Variants in FRMPD3 observed in about 807,000 individuals in gnomAD.
FRMPD3 encodes FERM and PDZ domain containing 3.
FRMPD3 carries 42 observed loss-of-function variants against 97.9 expected under a neutral mutation model. The ratio of observed to expected loss-of-function variants is 0.43; its 90% confidence interval spans 0.34 to 0.55. The LOEUF is 0.55. Ranked by LOEUF, FRMPD3 falls within the 20% of genes least tolerant of loss-of-function variation. The probability of loss-of-function intolerance (pLI) is 0.03; values close to 1 mark genes in which losing one functional copy is unlikely to be tolerated. For missense variants in FRMPD3, 1,303 were observed against 1,457.7 expected, an observed-to-expected ratio of 0.89 and a Z score of 1.73; for synonymous variants, 577 against 581.1, an observed-to-expected ratio of 0.99 and a Z score of 0.10.
chrX:107,506,189 G>C (rs1922023582), intron 1 of FRMPD3, among the ~76,000 whole-genome samples: 1 of 111,983 alleles, frequency 8.9e-6, no homozygotes. Flanking sequence ...ATAAATATGG[G>C]ATTAATGAAT....
intron 1 of FRMPD3, among the ~76,000 whole-genome samples, chrX:107,462,653 G>C (rs936195324): frequency 2.7e-5 from 3 of 111,946 alleles, no homozygotes; most frequent in Non-Finnish European, 5.6e-5. Context: ...TGCCATGCTA[G>C]ATTTTTACCC....
chrX:107,570,907 C>G (rs1312397283), intron 12 of FRMPD3, among the ~76,000 whole-genome samples: 1 of 112,087 alleles, frequency 8.9e-6, no homozygotes, highest in African/African-American at 3.2e-5. Flanking sequence ...CCTGCTGTAC[C>G]TTCTTCTGGC....
chrX:107,494,502 A>G (rs1229597131), intron 1 of FRMPD3, among the ~76,000 whole-genome samples: 1 of 111,808 alleles, frequency 8.9e-6, no homozygotes. Flanking sequence ...ACAATCCACA[A>G]TTGGCGTGTT....
chrX:107,588,936 T>C (rs146873947), intron 13 of FRMPD3, among the ~76,000 whole-genome samples: 1,751 of 111,722 alleles, frequency 0.016, 35 homozygotes, highest in Admixed American at 0.082. Flanking sequence ...TCAGGTCATT[T>C]ATGTTCCTGT....
intron 1 of FRMPD3, among the ~76,000 whole-genome samples, chrX:107,476,612 C>T (rs1223246601): frequency 8.9e-6 from 1 of 112,404 alleles, no homozygotes; most frequent in East Asian, 2.8e-4. Context: ...TGGACTAGCA[C>T]AGTGCCTGGC....
At chrX:107,560,592 C>T in intron 9 of FRMPD3, 135 bp from the exon 10 acceptor site, 1 of 895,587 alleles carries the variant, frequency 1.1e-6, no homozygotes, top group Non-Finnish European at 1.5e-6. Flanking sequence ...TTTTCCTATC[C>T]CTGTCCCTTT....
intron 1 of FRMPD3, among the ~76,000 whole-genome samples, chrX:107,493,501 A>G (rs1921709910): frequency 1.8e-5 from 2 of 111,933 alleles, no homozygotes; most frequent in Admixed American, 1.9e-4. Context: ...CCTGCTGTAG[A>G]ACATTAGAAA....
intron 13 of FRMPD3, among the ~76,000 whole-genome samples, chrX:107,587,486 G>A (rs1425947959): frequency 1.8e-5 from 2 of 111,453 alleles, no homozygotes; most frequent in East Asian, 5.6e-4. Context: ...ATTTGATCCT[G>A]TCATCATGAT....
chrX:107,501,734 C>T (rs1192169554), intron 1 of FRMPD3, among the ~76,000 whole-genome samples: 1 of 105,889 alleles, frequency 9.4e-6, no homozygotes, highest in Non-Finnish European at 1.9e-5. Flanking sequence ...GTTGGGGCCT[C>T]AAAGGGGCAG....
chrX:107,525,551 T>C, intron 1 of FRMPD3: 1 of 556,380 alleles, frequency 1.8e-6, no homozygotes. Flanking sequence ...CTCCCTGGAG[T>C]TAGGGCAGTA....
chrX:107,525,536 A>G (rs1922662198), intron 1 of FRMPD3: 1 of 550,496 alleles, frequency 1.8e-6, no homozygotes, highest in Non-Finnish European at 3.3e-6. Context: ...AACAATGTGT[A>G]ATCTCTCCCT....
intron 13 of FRMPD3, among the ~76,000 whole-genome samples, chrX:107,581,396 C>T (rs750238018): frequency 9.0e-6 from 1 of 110,574 alleles, no homozygotes; most frequent in Non-Finnish European, 1.9e-5. Flanking sequence ...CAGGCATGAG[C>T]CACCACGCCT....
In FRMPD3 at chrX:107,603,055, C is replaced by A. The variant is rs1171967604; in HGVS notation, c.5016C>A (p.Thr1672=). 8.3e-7 allele frequency: 1 copy of A among 1,210,925 alleles called. No homozygotes were observed. Among genetic ancestry groups the A allele is most frequent in the Non-Finnish European group, 1.1e-6 (1 of 895,467 alleles). Residue 1672 remains threonine (T), a synonymous_variant, in exon 15 of 15, where the codon ACC becomes ACA. Coordinates refer to ENST00000683843, the MANE Select transcript of FRMPD3 (RefSeq NM_001388459.1). The stretch of plus-strand genomic sequence containing the variant: ...AGGTGCTGAGCAGCCTCATTGAGAC[C>A]TTCGTGCGGCTGGTGTTCATTGTGC... ...SFQVLSSLIE[T]FVRLVFIVRS...
rs756926904 is a variant in FRMPD3, at chrX:107,517,830, AAGGG to A, written c.-7-8721_-7-8718del. Among the ~76,000 whole-genome samples the A allele has an allele frequency of 0.015, 1,113 of 74,668 alleles. 24 individuals are homozygous for A. In the South Asian group the frequency reaches 0.15, roughly 10 times the overall value. 64.8% of individuals were successfully genotyped at this position (74,668 alleles called of 115,157 possible). Reference sequence around the variant, plus strand: ...GAAGGAAAGAAAGAAGGAAGGAAGGAAGGGAGGGAGGGAGGGAGGGAGGGAGGGA... The same window carrying A: ...GAAGGAAAGAAAGAAGGAAGGAAGGAAGGGAGGGAGGGAGGGAGGGAGGGA... On this transcript the variant is annotated intron_variant, in intron 1 of 14. Transcript: ENST00000683843.
At chrX:107,453,908 G>A (rs750563378) in intron 1 of FRMPD3, among the ~76,000 whole-genome samples, 3 of 112,183 alleles carry the variant, frequency 2.7e-5, no homozygotes, top group Non-Finnish European at 5.6e-5. Flanking sequence ...TGTGTATAAC[G>A]TGGGGCGGGG....
At chrX:107,579,945 G>C (rs985975197) in intron 13 of FRMPD3, among the ~76,000 whole-genome samples, 2 of 111,834 alleles carry the variant, frequency 1.8e-5, no homozygotes, top group African/African-American at 6.5e-5. Context: ...AATGTACAGA[G>C]TACTAAAGTA....
intron 1 of FRMPD3, among the ~76,000 whole-genome samples, chrX:107,464,360 G>A (rs187854170): frequency 9.4e-6 from 1 of 106,191 alleles, no homozygotes; most frequent in African/African-American, 3.5e-5. Flanking sequence ...TATTTATTTT[G>A]TTTTTTTTTG....
intron 1 of FRMPD3, among the ~76,000 whole-genome samples, chrX:107,468,053 A>T (rs1283769158): frequency 9.0e-6 from 1 of 111,671 alleles, no homozygotes; most frequent in Non-Finnish European, 1.9e-5. Flanking sequence ...GTTTCTGCAG[A>T]TCACCTCTTT....
intron 1 of FRMPD3, among the ~76,000 whole-genome samples, chrX:107,477,128 A>C (rs1403819711): frequency 8.9e-6 from 1 of 112,811 alleles, no homozygotes; most frequent in Non-Finnish European, 1.9e-5. Context: ...GGACTGGTAC[A>C]AGGGGGTGGT....
Sources: gnomAD v4.1 joint callset for allele counts (sites outside exome capture counted in the v4.1 genomes callset) on GRCh38, gnomAD v4.1.1 for gene constraint, MANE v1.5 for transcripts, NCBI Gene and HGNC (gene_info 2026-07-23, HGNC 2026-07-21) for gene names.